EDAR: variants seen among roughly 807,000 people sequenced by gnomAD.
The protein encoded by EDAR is tumor necrosis factor receptor superfamily member EDAR.
Under a neutral mutation model 51.3 loss-of-function variants are expected in EDAR, and 38 were observed. The ratio of observed to expected loss-of-function variants is 0.74; its 90% CI spans 0.57 to 0.97. EDAR has a LOEUF of 0.97. Ranked by LOEUF, EDAR falls within the 50% of genes least tolerant of loss-of-function variation. The pLI is 0.00. For synonymous variants in EDAR, 227 were observed against 242.1 expected (o/e 0.94, Z 0.58); for missense variants, 528 against 595.0 (o/e 0.89, Z 1.17).
chr2:108,948,864 T>G (rs542083511), intron 1 of EDAR, among the ~76,000 whole-genome samples: 1 of 152,240 alleles, frequency 6.6e-6, no homozygotes, highest in East Asian at 1.9e-4. Flanking sequence ...ATGCGTATAA[T>G]CCCAGCACTT....
At chr2:108,906,408 G>A in intron 10 of EDAR, 40 bp from the exon 11 acceptor site, 1 of 1,610,792 alleles carries the variant, frequency 6.2e-7, no homozygotes, top group Non-Finnish European at 8.5e-7. Context: ...CCAGAAAGGG[G>A]CAACAGTAGA....
chr2:108,923,337 A>ACC (rs2105431487), intron 5 of EDAR, 31 bp downstream of exon 5: 1 of 1,603,534 alleles, frequency 6.2e-7, no homozygotes, highest in African/African-American at 1.3e-5. Context: ...CTGAACAAAT[A>ACC]CCGTGCTGGT....
At chr2:108,917,080 C>T (rs1212111419) in intron 5 of EDAR, among the ~76,000 whole-genome samples, 4 of 152,210 alleles carry the variant, frequency 2.6e-5, no homozygotes, top group African/African-American at 9.7e-5. Flanking sequence ...AGCAAAGACC[C>T]TCAAACCACA....
At chr2:108,910,311 C>G in intron 9 of EDAR, 149 bp downstream of exon 9, 1 of 673,078 alleles carries the variant, frequency 1.5e-6, no homozygotes, top group Non-Finnish European at 2.6e-6. Flanking sequence ...TGCCAGTCAG[C>G]AAAGAGGTGG....
intron 5 of EDAR, among the ~76,000 whole-genome samples, chr2:108,919,855 C>T (rs17037106): frequency 1.3e-5 from 2 of 152,312 alleles, no homozygotes; most frequent in South Asian, 2.1e-4. Flanking sequence ...ACCCTGAGTG[C>T]GTAGCTGACT....
At chr2:108,948,445 C>G (rs959073466) in intron 1 of EDAR, among the ~76,000 whole-genome samples, 1 of 152,192 alleles carries the variant, frequency 6.6e-6, no homozygotes, top group African/African-American at 2.4e-5. Context: ...AGTACCAATT[C>G]TCTGTATTAG....
chr2:108,930,735 G>A (rs1048120107), intron 2 of EDAR, among the ~76,000 whole-genome samples: 2 of 152,168 alleles, frequency 1.3e-5, no homozygotes, highest in African/African-American at 2.4e-5. Context: ...AATCAAGAAC[G>A]TTTATATCCA....
intron 5 of EDAR, among the ~76,000 whole-genome samples, chr2:108,915,157 G>T (rs1260541240): frequency 7.9e-5 from 12 of 152,194 alleles, no homozygotes; most frequent in African/African-American, 2.9e-4. Flanking sequence ...ACCTGCCTTG[G>T]CCTCCCAAAG....
intron 1 of EDAR, among the ~76,000 whole-genome samples, chr2:108,985,600 G>A (rs1179506133): frequency 6.6e-6 from 1 of 152,142 alleles, no homozygotes; most frequent in African/African-American, 2.4e-5. Context: ...TGGGCAAGAG[G>A]ATCTGGGCAA....
chr2:108,947,219 T>C (rs1050206642), intron 1 of EDAR, among the ~76,000 whole-genome samples: 2 of 152,232 alleles, frequency 1.3e-5, no homozygotes, highest in African/African-American at 4.8e-5. Flanking sequence ...ATCCAGGGCA[T>C]GCTGATGCAA....
chr2:108,913,831 T>C (rs936956250), intron 5 of EDAR, among the ~76,000 whole-genome samples: 2 of 151,016 alleles, frequency 1.3e-5, no homozygotes, highest in African/African-American at 4.9e-5. Context: ...GCGCCTGTAG[T>C]CCCAGCTACT....
At chr2:108,987,332 C>A (rs1698515344) in intron 1 of EDAR, among the ~76,000 whole-genome samples, 2 of 152,218 alleles carry the variant, frequency 1.3e-5, no homozygotes, top group Admixed American at 1.3e-4. Flanking sequence ...CCCCATTTAA[C>A]AGAGGCAAGT....
At chr2:108,982,409 G>A (rs1380355849) in intron 1 of EDAR, among the ~76,000 whole-genome samples, 4 of 152,222 alleles carry the variant, frequency 2.6e-5, no homozygotes, top group African/African-American at 7.2e-5. Flanking sequence ...TGCCGTGGGA[G>A]GCATGCAGCC....
At chr2:108,906,532 CCTT>C (rs886424980) in intron 10 of EDAR, among the ~76,000 whole-genome samples, 164 bp from the exon 11 acceptor site, 1 of 152,178 alleles carries the variant, frequency 6.6e-6, no homozygotes, top group African/African-American at 2.4e-5. Flanking sequence ...GGGAGGAGGG[CCTT>C]CTTCAGGTTT....
At chr2:108,970,202 C>T (rs886920862) in intron 1 of EDAR, among the ~76,000 whole-genome samples, 4 of 152,128 alleles carry the variant, frequency 2.6e-5, no homozygotes, top group African/African-American at 7.2e-5. Flanking sequence ...GGCCCCTACC[C>T]GAGGCCCAGT....
At chr2:108,942,452 A>C (rs1697621578) in intron 1 of EDAR, among the ~76,000 whole-genome samples, 1 of 152,220 alleles carries the variant, frequency 6.6e-6, no homozygotes, top group Non-Finnish European at 1.5e-5. Context: ...ACTTGGTTTC[A>C]TCCCACCCCT....
chr2:108,910,975 G>A lies in EDAR; in HGVS notation c.627C>T (p.Tyr209=), dbSNP rs753658252. The change falls in exon 7 of 12, where the codon TAC becomes TAT. Residue 209 remains tyrosine, a synonymous_variant. Transcript: ENST00000258443. The part of the protein sequence containing the change: ...AIAIVLIIMF[Y]ILKTKPSAPA... ...GGGCAGAGGGCTTTGTCTTCAGGAT[G>A]TAGAACATGATGATGAGGACGATGG... The A allele has an allele frequency of 3.1e-6, 5 of 1,614,156 alleles. No homozygotes were observed. Among genetic ancestry groups the A allele is most frequent in the African/African-American group, 1.3e-5 (1 of 75,040 alleles).
intron 11 of EDAR, among the ~76,000 whole-genome samples, 165 bp from the exon 12 acceptor site, chr2:108,897,394 G>A (rs930974060): frequency 3.9e-5 from 6 of 152,054 alleles, no homozygotes; most frequent in East Asian, 1.9e-4. Flanking sequence ...TAAGGCAAAC[G>A]ACACCTAGAA....
At chr2:108,899,152 CAA>C (rs943386716) in intron 11 of EDAR, among the ~76,000 whole-genome samples, 2 of 151,166 alleles carry the variant, frequency 1.3e-5, no homozygotes, top group Non-Finnish European at 2.9e-5. Flanking sequence ...AAACTAAAGA[CAA>C]AGTCTTAGAA....
Sources: gnomAD v4.1 joint callset for allele counts (sites outside exome capture counted in the v4.1 genomes callset) on GRCh38, gnomAD v4.1.1 for gene constraint, MANE v1.5 for transcripts, NCBI Gene and HGNC (gene_info 2026-07-23, HGNC 2026-07-21) for gene names.